Variants in PRRC2A observed in about 807,000 individuals in gnomAD.
PRRC2A encodes proline rich coiled-coil 2A.
A neutral mutation model predicts 224.6 loss-of-function variants in PRRC2A; 59 were observed. The ratio of observed to expected loss-of-function variants is 0.26; its 90% confidence interval spans 0.21 to 0.33. The LOEUF is 0.33. Among genes scored for constraint, PRRC2A ranks in the 10% least tolerant of loss-of-function variants. PRRC2A has a pLI of 1.00. For missense variants in PRRC2A, 3,095 were observed against 2,880.7 expected (o/e 1.07, Z -1.70); for synonymous variants, 1,194 against 1,109.5 (o/e 1.08, Z -1.51).
At chr6:31,622,461 G>C (rs1364240928) in intron 1 of PRRC2A, among the ~76,000 whole-genome samples, 1 of 152,184 alleles carries the variant, frequency 6.6e-6, no homozygotes, top group Non-Finnish European at 1.5e-5. Context: ...AGGGCAGAGT[G>C]TTTATACTAG....
In PRRC2A at chr6:31,626,061, C is replaced by A. The variant is rs1775876687; in HGVS notation, c.881C>A (p.Pro294Gln). The change falls in exon 9 of 31, where the codon CCA becomes CAA. Residue 294 changes from proline (P) to glutamine (Q), a missense_variant. By Grantham distance (76) the Pro-to-Gln change is moderately conservative (BLOSUM62 -1). Transcript: ENST00000376033. ...GCGGGCCCCCGAGGCTCAGGGCCAC[C>A]AATGCGCTTAGTAGAGCCTGTGGGT... The part of the protein sequence containing the change: ...RVAGPRGSGP[P>Q]MRLVEPVGRP... 6.2e-7 allele frequency: 1 copy of A among 1,612,672 alleles called. No homozygotes were observed. The highest frequency in any genetic ancestry group is 1.3e-5 in the African/African-American group (1 of 74,924).
In PRRC2A at chr6:31,636,386, C is replaced by T; in HGVS notation, c.5802C>T (p.Cys1934=). 2 of 1,612,972 alleles carry T rather than the reference C, an allele frequency of 1.2e-6. No homozygotes were observed. The highest frequency in any genetic ancestry group is 1.7e-6 in the Non-Finnish European group (2 of 1,179,992). The change falls in exon 26 of 31, where the codon TGC becomes TGT. Residue 1934 remains cysteine, a synonymous_variant. Transcript: ENST00000376033. This position sits in a 1 kb window ranked among gnomAD's most constrained non-coding sequence, Gnocchi z 4.3. ...PPSFLYSPAF[C]PSPLPDTSLL... ...CCTTCCTCTACTCTCCGGCTTTCTG[C>T]CCCAGTCCTTTGCCTGACACATCGT...
chr6:31,635,816 T>G (rs1777270140), intron 24 of PRRC2A, 67 bp downstream of exon 24: 1 of 1,505,308 alleles, frequency 6.6e-7, no homozygotes, highest in African/African-American at 1.4e-5. Context: ...TGGTATGTAT[T>G]TATAATCAAG....
In PRRC2A at chr6:31,634,940, G is replaced by C. The variant is rs1487066641; in HGVS notation, c.5123G>C (p.Arg1708Thr). The C allele has an allele frequency of 4.3e-6, 7 of 1,612,732 alleles. No homozygotes were observed. The highest frequency in any genetic ancestry group is 5.9e-6 in the Non-Finnish European group (7 of 1,179,888). Residue 1708 changes from arginine to threonine, a missense_variant, in exon 21 of 31, where the codon AGG becomes ACG. Physicochemically the swap from Arg to Thr is moderately conservative, Grantham distance 71 (BLOSUM62 -1). Transcript: ENST00000376033. ...GGTCCACCTGGCTCTGAACCTCCTAGGAGACCACCACCTGCCCCCCACGAT... is the reference window on the plus strand; with the variant it reads ...GGTCCACCTGGCTCTGAACCTCCTACGAGACCACCACCTGCCCCCCACGAT... ...CEGPPGSEPP[R>T]RPPPAPHDGD...
In PRRC2A at chr6:31,634,294, G is replaced by A. The variant is rs1194389322; in HGVS notation, c.4778G>A (p.Gly1593Asp). 6.2e-7 allele frequency: 1 copy of A among 1,611,086 alleles called. No individual in the cohort carries two copies. The highest frequency in any genetic ancestry group is 8.5e-7 in the Non-Finnish European group (1 of 1,179,566). The change falls in exon 19 of 31, where the codon GGC becomes GAC. Residue 1593 changes from glycine to aspartate, a missense_variant. Physicochemically the swap from Gly to Asp is moderately conservative, Grantham distance 94 (BLOSUM62 -1). Transcript: ENST00000376033. The stretch of plus-strand genomic sequence containing the variant: ...TTGGGCTCTAAGCCTGAGGGCCCAG[G>A]CCCTCAGGCAGAGTCCAGAGATACA... ...GFLGSKPEGP[G>D]PQAESRDTGT...
chr6:31,623,471 T>G (rs1311935210), intron 2 of PRRC2A, among the ~76,000 whole-genome samples: 2 of 152,096 alleles, frequency 1.3e-5, no homozygotes, highest in Non-Finnish European at 2.9e-5. Context: ...TTCTCCATTT[T>G]GGTCAAGCTG....
intron 17 of PRRC2A, 47 bp downstream of exon 17, chr6:31,633,694 G>C (rs1454913655): frequency 1.3e-5 from 20 of 1,568,492 alleles, no homozygotes; most frequent in Non-Finnish European, 1.6e-5. Context: ...CCCCAGAGAA[G>C]GTCAAGTGCT....
chr6:31,620,906 A>ACGT (rs1775178236), intron 1 of PRRC2A, 48 bp downstream of exon 1: 1 of 135,990 alleles, frequency 7.4e-6, no homozygotes, highest in African/African-American at 2.5e-5. Context: ...GGCGCGGGAG[A>ACGT]GGTGGTGGCG....
rs1279879918 is a variant in PRRC2A at position 31,632,496 on chromosome 6, C to T, written c.3823C>T (p.Pro1275Ser). ...ENAARGSEGK[P>S]SLTLPASAPG... ...TGCCGCAAGGGGGTCTGAGGGCAAGCCCTCCCTAACCCTTCCAGCCTCCGC... is the reference window on the plus strand; with the variant it reads ...TGCCGCAAGGGGGTCTGAGGGCAAGTCCTCCCTAACCCTTCCAGCCTCCGC... Residue 1275 changes from proline to serine, a missense_variant, in exon 16 of 31, where the codon CCC becomes TCC. Around this residue, in one of 8 missense-constraint regions of PRRC2A, gnomAD observed 2,001 missense variants for 1,764.9 expected, o/e 1.13. Coordinates refer to ENST00000376033, the MANE Select transcript of PRRC2A (RefSeq NM_004638.4). 3 of 1,606,188 alleles carry T rather than the reference C, an allele frequency of 1.9e-6. No individual in the cohort carries two copies. The highest frequency in any genetic ancestry group is 1.3e-5 in the African/African-American group (1 of 74,768).
Position 31,627,842 on chromosome 6 carries a change from GTCA to G in PRRC2A, c.1371_1373del (p.Ser458del). ...CATGGCGGCAGCGACGAAAGCAGTC[GTCA>G]TCTGAGATTTCCCTGGCAGTGGAGC... On this transcript the variant is annotated inframe_deletion, in exon 12 of 31. Transcript: ENST00000376033. This position sits in a 1 kb window ranked among gnomAD's most constrained non-coding sequence, Gnocchi z 5.6. The G allele has an allele frequency of 6.2e-7, 1 of 1,613,080 alleles. No individual in the cohort carries two copies. Among genetic ancestry groups the G allele is most frequent in the Non-Finnish European group, 8.5e-7 (1 of 1,180,032 alleles).
rs770964122 is a variant in PRRC2A at position 31,631,600 on chromosome 6, C to G, written c.2927C>G (p.Pro976Arg). Residue 976 changes from proline (P) to arginine (R), a missense_variant, in exon 16 of 31, where the codon CCC becomes CGC. Transcript: ENST00000376033. The surrounding 1 kb of genome is among the most constrained non-coding windows in gnomAD (Gnocchi z 4.5). ...PKPLEQGDET[P>R]KPPKPDPLKI... is the part of the protein sequence containing the mutation. Reference sequence around the variant, plus strand: ...CCCCTCGAACAGGGGGATGAAACCCCCAAACCCCCAAAGCCAGACCCACTC... The same window carrying G: ...CCCCTCGAACAGGGGGATGAAACCCGCAAACCCCCAAAGCCAGACCCACTC... The G allele has an allele frequency of 2.6e-6, 4 of 1,546,382 alleles. No individual in the cohort carries two copies. The highest frequency in any genetic ancestry group is 3.5e-6 in the Non-Finnish European group (4 of 1,151,650).
intron 2 of PRRC2A, among the ~76,000 whole-genome samples, chr6:31,623,390 C>G (rs1775536174): frequency 6.6e-6 from 1 of 151,250 alleles, no homozygotes; most frequent in Non-Finnish European, 1.5e-5. Context: ...GCCTCAGCCT[C>G]CTGAGTAGCT....
chr6:31,634,877 C>T lies in PRRC2A; in HGVS notation c.5060C>T (p.Pro1687Leu), dbSNP rs115464946. 1.7e-3 allele frequency: 2,684 copies of T among 1,613,024 alleles called. 11 individuals are homozygous for T. The highest frequency in any genetic ancestry group is 1.5e-3 in the Non-Finnish European group (1,759 of 1,180,010). The stretch of plus-strand genomic sequence containing the variant: ...GCAGCAGAGGGACCCCCCAAGAGGC[C>T]TGGAGGCTCCTCACCCCTGAATGCT... ...KGAAEGPPKR[P>L]GGSSPLNAVP... The change falls in exon 21 of 31, where the codon CCT becomes CTT. Residue 1687 changes from proline to leucine, a missense_variant. Physicochemically the swap from Pro to Leu is moderately conservative, Grantham distance 98. This residue lies in a region of PRRC2A where 662 missense variants were observed against 609.5 expected (regional missense o/e 1.09). Coordinates refer to ENST00000376033, the MANE Select transcript of PRRC2A (RefSeq NM_004638.4).
chr6:31,635,193 C>A lies in PRRC2A; in HGVS notation c.5222C>A (p.Thr1741Lys), dbSNP rs367903539. The stretch of plus-strand genomic sequence containing the variant: ...ATTGGCACAGAACGATCACAGCGTA[C>A]AGACCGAGGCACAGAGCCTGGCCCC... ...GPIGTERSQR[T>K]DRGTEPGPIR... Residue 1741 changes from threonine to lysine, a missense_variant, in exon 22 of 31, where the codon ACA (threonine) becomes AAA (lysine). This residue lies in a region of PRRC2A where 662 missense variants were observed against 609.5 expected (regional missense o/e 1.09). Transcript: ENST00000376033. 77 of 1,612,782 alleles carry A rather than the reference C, an allele frequency of 4.8e-5. No individual in the cohort carries two copies. Among genetic ancestry groups the A allele is most frequent in the Non-Finnish European group, 5.9e-5 (69 of 1,178,870 alleles).
At position 31,631,000 on chromosome 6, in the gene PRRC2A, C is replaced by T. The variant is rs529946097; in HGVS notation, c.2466-139C>T. The stretch of plus-strand genomic sequence containing the variant: ...GAGCCCAGCAGTTCGAGACTAGCCT[C>T]GGCAACTGGATGCCATCTCTGCCAA... On this transcript the variant is annotated intron_variant, in intron 15 of 30. Coordinates refer to ENST00000376033, the MANE Select transcript of PRRC2A (RefSeq NM_004638.4). The T allele has an allele frequency of 1.3e-5, 16 of 1,206,258 alleles. No individual in the cohort carries two copies. The Middle Eastern group carries it at 1.6e-3, about 120-fold the overall frequency. 74.7% of individuals were successfully genotyped at this position (1,206,258 alleles called of 1,614,324 possible).
At chr6:31,628,923 T>G (rs1227573293) in intron 12 of PRRC2A, 2 of 548,658 alleles carry the variant, frequency 3.6e-6, no homozygotes, top group Admixed American at 7.2e-5. Context: ...AAAGTACTGT[T>G]GTTCTAATGG....
intron 3 of PRRC2A, 67 bp downstream of exon 3, chr6:31,623,976 C>T: frequency 6.4e-7 from 1 of 1,570,416 alleles, no homozygotes; most frequent in Non-Finnish European, 8.7e-7. Flanking sequence ...AGCATTGGGG[C>T]TTGGTTTAGT....
At chr6:31,628,508 C>A (rs572088015) in intron 12 of PRRC2A, 1 of 560,154 alleles carries the variant, frequency 1.8e-6, no homozygotes, top group Non-Finnish European at 3.0e-6. Flanking sequence ...GGTGGAGGAT[C>A]GCTTGAGCCT....
At position 31,631,711 on chromosome 6, in the gene PRRC2A, A is replaced by G; in HGVS notation, c.3038A>G (p.Tyr1013Cys). 1 of 1,518,744 alleles carries G rather than the reference A, an allele frequency of 6.6e-7. No individual in the cohort carries two copies. The allele number at this position is 1,518,744 out of a possible 1,614,324, so 94.1% of individuals were successfully genotyped here. A position where few individuals can be genotyped will look rare whatever the true frequency, so the allele number is the denominator to read the frequency against. Residue 1013 changes from tyrosine (Y) to cysteine (C), a missense_variant, in exon 16 of 31, where the codon TAT (tyrosine) becomes TGT (cysteine). Tyr to Cys is a radical substitution (Grantham distance 194, BLOSUM62 -2). This residue lies in a region of PRRC2A where 2,001 missense variants were observed against 1,764.9 expected (regional missense o/e 1.13). Transcript: ENST00000376033. This position sits in a 1 kb window ranked among gnomAD's most constrained non-coding sequence, Gnocchi z 4.5. ...CCTGCCCCAAGGCTTCGGAGGGACT[A>G]TTCGTATGAAAGAGTGGGTCCTACC... is the stretch of plus-strand genomic sequence containing the variant. ...LSPAPRLRRD[Y>C]SYERVGPTSC...
Sources: gnomAD v4.1 joint callset for allele counts (sites outside exome capture counted in the v4.1 genomes callset) on GRCh38, gnomAD v4.1.1 for gene constraint, gnomAD v4.1.1 regional missense constraint, Gnocchi (gnomAD v3.1) non-coding constraint, MANE v1.5 for transcripts, NCBI Gene and HGNC (gene_info 2026-07-23, HGNC 2026-07-21) for gene names.